Variants in ANKK1 observed in about 807,000 individuals in gnomAD.
The protein encoded by ANKK1 is ankyrin repeat and kinase domain containing 1, also known as ankyrin repeat and protein kinase domain-containing protein 1.
A neutral mutation model predicts 37.6 loss-of-function variants in ANKK1; 37 were observed. The observed-to-expected ratio is 0.98, with a 90% confidence interval of 0.76 to 1.29. ANKK1 has a LOEUF of 1.29. Ranked by LOEUF, ANKK1 falls within the 50% of genes most tolerant of loss-of-function variation. The pLI is 0.00. For missense variants in ANKK1, 1,019 were observed against 990.6 expected, an observed-to-expected ratio of 1.03 and a Z score of -0.39; for synonymous variants, 415 against 418.7, an observed-to-expected ratio of 0.99 and a Z score of 0.11.
In ANKK1 at chr11:113,399,667, T is replaced by A. The variant is rs1349961582; in HGVS notation, c.1698T>A (p.Thr566=). 6.2e-7 allele frequency: 1 copy of A among 1,600,512 alleles called. No homozygotes were observed. Among genetic ancestry groups the A allele is most frequent in the Admixed American group, 1.7e-5 (1 of 58,224 alleles). Residue 566 remains threonine, a synonymous_variant, in exon 8 of 8, where the codon ACT becomes ACA. Coordinates refer to ENST00000303941, the MANE Select transcript of ANKK1 (RefSeq NM_178510.2). ...LDQSGYGPLH[T]AAARGKYLIC... The stretch of plus-strand genomic sequence containing the variant: ...AGAGCGGCTACGGCCCACTGCACAC[T>A]GCAGCTGCCAGGGGCAAATACCTGA...
Position 113,393,636 on chromosome 11 carries a change from G to A in ANKK1, c.341G>A (p.Ser114Asn), listed in dbSNP as rs1192202640. 6.2e-7 allele frequency: 1 copy of A among 1,613,944 alleles called. No homozygotes were observed. Among genetic ancestry groups the A allele is most frequent in the Admixed American group, 1.7e-5 (1 of 60,018 alleles). Reference sequence around the variant, plus strand: ...CTGGAGAAGGTGCTGTCCACCCACAGCCTCTGCTGGAAGCTCAGGTTCCGC... The same window carrying A: ...CTGGAGAAGGTGCTGTCCACCCACAACCTCTGCTGGAAGCTCAGGTTCCGC... ...GSLEKVLSTH[S>N]LCWKLRFRII... Residue 114 changes from serine (S) to asparagine (N), a missense_variant, in exon 2 of 8, where the codon AGC becomes AAC. By Grantham distance (46) the Ser-to-Asn change is conservative. Transcript: ENST00000303941.
chr11:113,393,040 A>G (rs1215363501), intron 1 of ANKK1, among the ~76,000 whole-genome samples: 8 of 152,210 alleles, frequency 5.3e-5, no homozygotes, highest in Admixed American at 5.2e-4. Context: ...ATAGCTCTCT[A>G]TATTCCCTAT....
chr11:113,399,593 G>A lies in ANKK1; in HGVS notation c.1624G>A (p.Ala542Thr). The change falls in exon 8 of 8, where the codon GCC becomes ACC. Residue 542 changes from alanine to threonine, a missense_variant. Physicochemically the swap from Ala to Thr is moderately conservative, Grantham distance 58. Coordinates refer to ENST00000303941, the MANE Select transcript of ANKK1 (RefSeq NM_178510.2). ...HLAVERGKVR[A>T]IQHLLKSGAV... is the part of the protein sequence containing the mutation. ...GGCAGTAGAGCGGGGCAAAGTGAGG[G>A]CCATCCAACACCTGCTGAAGAGTGG... 1 of 1,605,982 alleles carries A rather than the reference G, an allele frequency of 6.2e-7. No individual in the cohort carries two copies. The highest frequency in any genetic ancestry group is 1.1e-5 in the South Asian group (1 of 89,340).
chr11:113,389,282 G>A (rs1950570604), intron 1 of ANKK1, among the ~76,000 whole-genome samples: 1 of 152,182 alleles, frequency 6.6e-6, no homozygotes, highest in Admixed American at 6.5e-5. Flanking sequence ...AATTCCCTGG[G>A]TGGAGGGGGT....
intron 1 of ANKK1, among the ~76,000 whole-genome samples, chr11:113,389,171 G>A (rs539439204): frequency 2.0e-5 from 3 of 152,272 alleles, no homozygotes; most frequent in South Asian, 4.2e-4. Context: ...ATCATTTATA[G>A]CCTTTTGAAT....
chr11:113,393,628 C>A lies in ANKK1; in HGVS notation c.333C>A (p.Ser111=). The A allele has an allele frequency of 1.2e-6, 2 of 1,613,914 alleles. No homozygotes were observed. The highest frequency in any genetic ancestry group is 1.7e-6 in the Non-Finnish European group (2 of 1,179,850). Residue 111 remains serine, a synonymous_variant, in exon 2 of 8, where the codon TCC becomes TCA. Coordinates refer to ENST00000303941, the MANE Select transcript of ANKK1 (RefSeq NM_178510.2). The part of the protein sequence containing the change: ...MANGSLEKVL[S]THSLCWKLRF... ...ACGGCTCCCTGGAGAAGGTGCTGTC[C>A]ACCCACAGCCTCTGCTGGAAGCTCA... is the stretch of plus-strand genomic sequence containing the variant.
At chr11:113,394,648 A>C in intron 2 of ANKK1, 1 of 574,446 alleles carries the variant, frequency 1.7e-6, no homozygotes, top group Non-Finnish European at 3.3e-6. Context: ...GGCACTGTTT[A>C]AGTGCTTTTT....
intron 1 of ANKK1, among the ~76,000 whole-genome samples, chr11:113,393,097 A>G (rs1022599663): frequency 6.6e-6 from 1 of 152,214 alleles, no homozygotes; most frequent in African/African-American, 2.4e-5. Context: ...AAATGGTAAT[A>G]AATGATGTTT....
Position 113,399,445 on chromosome 11 carries a change from T to C in ANKK1, c.1476T>C (p.Ala492=). The C allele has an allele frequency of 1.3e-6, 2 of 1,596,286 alleles. No individual in the cohort carries two copies. Among genetic ancestry groups the C allele is most frequent in the Non-Finnish European group, 1.7e-6 (2 of 1,171,668 alleles). Residue 492 remains alanine (A), a synonymous_variant, in exon 8 of 8, where the codon GCT becomes GCC. Coordinates refer to ENST00000303941, the MANE Select transcript of ANKK1 (RefSeq NM_178510.2). ...SRQADPNLHE[A]EGKTPLHVAA... ...AGGCTGACCCCAACCTGCATGAGGCTGAGGGCAAGACCCCCCTCCATGTGG... is the reference window on the plus strand; with the variant it reads ...AGGCTGACCCCAACCTGCATGAGGCCGAGGGCAAGACCCCCCTCCATGTGG...
Position 113,393,497 on chromosome 11 carries a change from C to G in ANKK1, c.202C>G (p.Leu68Val). Reference sequence around the variant, plus strand: ...TCTCCATAGCTCTGATGTGAATTACCTCATTGAAGAAGCTGCCAAAATGAA... The same window carrying G: ...TCTCCATAGCTCTGATGTGAATTACGTCATTGAAGAAGCTGCCAAAATGAA... Reference protein sequence around the residue: ...PDAASSDVNYLIEEAAKMKKI... With the variant: ...PDAASSDVNYVIEEAAKMKKI... The change falls in exon 2 of 8, where the codon CTC (leucine) becomes GTC (valine). Residue 68 changes from leucine to valine, a missense_variant. By Grantham distance (32) the Leu-to-Val change is conservative. Transcript: ENST00000303941. 3.1e-6 allele frequency: 5 copies of G among 1,613,410 alleles called. No individual in the cohort carries two copies. The highest frequency in any genetic ancestry group is 4.2e-6 in the Non-Finnish European group (5 of 1,179,538).
At chr11:113,395,207 C>G in intron 3 of ANKK1, 127 bp downstream of exon 3, 2 of 1,492,628 alleles carry the variant, frequency 1.3e-6, no homozygotes, top group Non-Finnish European at 1.8e-6. Context: ...GCGGAGGACT[C>G]TGGCTGGAGA....
In ANKK1 at chr11:113,388,400, C is replaced by A. The variant is rs1368698880; in HGVS notation, c.185+331C>A. On this transcript the variant is annotated intron_variant, in intron 1 of 7. Coordinates refer to ENST00000303941, the MANE Select transcript of ANKK1 (RefSeq NM_178510.2). ...ATCCTTCTCTCCAGCGCCTTCTTCCCCCGGTGTCCTGTGGCAATAACTGCT... is the reference window on the plus strand; with the variant it reads ...ATCCTTCTCTCCAGCGCCTTCTTCCACCGGTGTCCTGTGGCAATAACTGCT... Among the ~76,000 whole-genome samples, 2 of 152,204 alleles carry A rather than the reference C, an allele frequency of 1.3e-5. 1 individual carries two copies. The highest frequency in any genetic ancestry group is 1.3e-4 in the Admixed American group (2 of 15,282).
chr11:113,388,547 C>T (rs1042861713), intron 1 of ANKK1, among the ~76,000 whole-genome samples: 1 of 152,146 alleles, frequency 6.6e-6, no homozygotes, highest in African/African-American at 2.4e-5. Context: ...CCCACGGTGG[C>T]GGGAGGGAGG....
At position 113,400,205 on chromosome 11, in the gene ANKK1, G is replaced by A. The variant is rs1444749820; in HGVS notation, c.2236G>A (p.Gly746Ser). The A allele has an allele frequency of 1.9e-6, 3 of 1,556,478 alleles. No homozygotes were observed. Among genetic ancestry groups the A allele is most frequent in the Non-Finnish European group, 1.7e-6 (2 of 1,150,786 alleles). The change falls in exon 8 of 8, where the codon GGC (glycine) becomes AGC (serine). Residue 746 changes from glycine to serine, a missense_variant. By Grantham distance (56) the Gly-to-Ser change is moderately conservative. Transcript: ENST00000303941. The part of the protein sequence containing the change: ...RKQGIMSFLE[G>S]KEPSVATLGG... ...GCAGGGCATCATGTCCTTCCTAGAG[G>A]GCAAGGAGCCGTCAGTGGCCACTCT...
In ANKK1 at chr11:113,400,152, C is replaced by G. The variant is rs1379563521; in HGVS notation, c.2183C>G (p.Pro728Arg). 6.2e-7 allele frequency: 1 copy of G among 1,603,206 alleles called. No individual in the cohort carries two copies. ...LDVQDGVSCT[P>R]LQLALRSRKQ... The stretch of plus-strand genomic sequence containing the variant: ...GTCCAGGATGGAGTGAGCTGCACAC[C>G]CCTGCAACTGGCCCTCCGCAGCCGA... Residue 728 changes from proline to arginine, a missense_variant, in exon 8 of 8, where the codon CCC becomes CGC. Pro to Arg is a moderately radical substitution (Grantham distance 103, BLOSUM62 -2). Transcript: ENST00000303941.
At position 113,399,279 on chromosome 11, in the gene ANKK1, A is replaced by G; in HGVS notation, c.1310A>G (p.Gln437Arg). The change falls in exon 8 of 8, where the codon CAG becomes CGG. Residue 437 changes from glutamine to arginine, a missense_variant. Coordinates refer to ENST00000303941, the MANE Select transcript of ANKK1 (RefSeq NM_178510.2). ...DGWAPLHFAA[Q>R]NGDDGTARLL... ...TGGGCCCCACTGCACTTTGCAGCCC[A>G]GAATGGGGATGACGGCACTGCGCGC... 2 of 1,606,022 alleles carry G rather than the reference A, an allele frequency of 1.2e-6. No individual in the cohort carries two copies. Among genetic ancestry groups the G allele is most frequent in the Non-Finnish European group, 1.7e-6 (2 of 1,176,620 alleles).
At chr11:113,396,040 C>G in intron 4 of ANKK1, 27 bp from the exon 5 acceptor site, 2 of 1,610,230 alleles carry the variant, frequency 1.2e-6, no homozygotes, top group South Asian at 2.2e-5. Context: ...CTCTCAGCAC[C>G]CACATAGCCT....
chr11:113,395,501 G>T (rs564113486), intron 4 of ANKK1, 93 bp downstream of exon 4: 33 of 1,385,330 alleles, frequency 2.4e-5, no homozygotes, highest in East Asian at 2.1e-4. Context: ...GGTTGGGGGG[G>T]GTCAAGTTGC....
chr11:113,388,508 C>T (rs1307363881), intron 1 of ANKK1, among the ~76,000 whole-genome samples: 3 of 152,156 alleles, frequency 2.0e-5, no homozygotes, highest in Admixed American at 6.5e-5. Context: ...GCACTTTGCT[C>T]AGATCTGCAG....
Sources: allele counts gnomAD v4.1 joint callset (sites outside exome capture counted in the v4.1 genomes callset), GRCh38; gene constraint gnomAD v4.1.1; transcripts MANE v1.5; gene names NCBI Gene and HGNC (gene_info 2026-07-23, HGNC 2026-07-21).